JAK2: variants seen among roughly 807,000 people sequenced by gnomAD.
JAK2 encodes Janus kinase 2, also known as tyrosine-protein kinase JAK2.
JAK2 carries 86 observed loss-of-function variants against 139.3 expected under a neutral mutation model. The ratio of observed to expected loss-of-function variants is 0.62; its 90% CI spans 0.52 to 0.74. JAK2 has a LOEUF of 0.74. Among genes scored for constraint, JAK2 ranks in the 30% least tolerant of loss-of-function variants. The probability of loss-of-function intolerance (pLI) is 0.00; values close to 1 mark genes in which losing one functional copy is unlikely to be tolerated. For missense variants in JAK2, 1,421 were observed against 1,360.3 expected, an observed-to-expected ratio of 1.04 and a Z score of -0.70; for synonymous variants, 490 against 437.7, an observed-to-expected ratio of 1.12 and a Z score of -1.49.
At chr9:4,996,624 T>C (rs1180531534) in intron 2 of JAK2, among the ~76,000 whole-genome samples, 1 of 152,066 alleles carries the variant, frequency 6.6e-6, no homozygotes, top group East Asian at 1.9e-4. Flanking sequence ...GCATCAGATC[T>C]TCAGTTGTAA....
chr9:5,048,974 C>G (rs754280541), intron 5 of JAK2, among the ~76,000 whole-genome samples: 15 of 152,142 alleles, frequency 9.9e-5, no homozygotes, highest in Middle Eastern at 3.4e-3. Context: ...TTTCTTTCTC[C>G]CATTACATGT....
intron 4 of JAK2, among the ~76,000 whole-genome samples, chr9:5,033,808 G>A (rs181024202): frequency 7.9e-5 from 12 of 152,252 alleles, no homozygotes; most frequent in South Asian, 2.1e-4. Flanking sequence ...AAAGACCATC[G>A]AGGCTAGGAA....
chr9:5,009,200 T>A (rs948411474), intron 2 of JAK2, among the ~76,000 whole-genome samples: 1 of 152,152 alleles, frequency 6.6e-6, no homozygotes, highest in African/African-American at 2.4e-5. Context: ...GGCTCAGACA[T>A]CAGCAGGTGT....
chr9:5,123,225 T>C (rs1366765674), intron 23 of JAK2, 104 bp downstream of exon 23: 4 of 674,598 alleles, frequency 5.9e-6, no homozygotes, highest in African/African-American at 1.8e-5. Context: ...CATTGCATAG[T>C]GGTGAAGTCA....
At chr9:5,105,249 T>A (rs1313319128) in intron 22 of JAK2, among the ~76,000 whole-genome samples, 3 of 152,150 alleles carry the variant, frequency 2.0e-5, no homozygotes, top group African/African-American at 7.2e-5. Flanking sequence ...ATCACAAGCA[T>A]TCCTATACAC....
intron 22 of JAK2, among the ~76,000 whole-genome samples, chr9:5,115,983 C>G (rs934503116): frequency 1.3e-5 from 2 of 152,004 alleles, no homozygotes; most frequent in Non-Finnish European, 2.9e-5. Context: ...GTGCAGCAAA[C>G]CACCATGACA....
At chr9:5,105,972 C>T (rs991971587) in intron 22 of JAK2, among the ~76,000 whole-genome samples, 1 of 152,100 alleles carries the variant, frequency 6.6e-6, no homozygotes, top group Non-Finnish European at 1.5e-5. Context: ...AGAAGAAAGC[C>T]TAGGCAATAC....
chr9:5,051,086 C>T (rs963762265), intron 6 of JAK2, among the ~76,000 whole-genome samples: 3 of 152,072 alleles, frequency 2.0e-5, no homozygotes, highest in Admixed American at 1.3e-4. Flanking sequence ...ATCATGTTGA[C>T]GTTCAAAAAG....
intron 3 of JAK2, among the ~76,000 whole-genome samples, chr9:5,028,573 C>T (rs1464104927): frequency 6.6e-6 from 1 of 152,220 alleles, no homozygotes; most frequent in Admixed American, 6.5e-5. Context: ...AGCTATGAAA[C>T]TACTCCTAGA....
chr9:5,026,872 T>C (rs957190153), intron 3 of JAK2, among the ~76,000 whole-genome samples: 3 of 152,230 alleles, frequency 2.0e-5, no homozygotes, highest in African/African-American at 4.8e-5. Flanking sequence ...AAATTACATA[T>C]GCACTCACAT....
At chr9:5,111,231 T>G in intron 22 of JAK2, 1 of 567,502 alleles carries the variant, frequency 1.8e-6, no homozygotes, top group Non-Finnish European at 3.3e-6. Context: ...AGCGCGGGCC[T>G]ATTCCTCCTT....
At chr9:5,015,205 T>C (rs1821962519) in intron 2 of JAK2, among the ~76,000 whole-genome samples, 1 of 152,200 alleles carries the variant, frequency 6.6e-6, no homozygotes, top group South Asian at 2.1e-4. Context: ...TTGCAGTTTT[T>C]GCCATTGGAA....
chr9:5,009,236 C>A (rs145716979), intron 2 of JAK2, among the ~76,000 whole-genome samples: 27 of 152,104 alleles, frequency 1.8e-4, no homozygotes, highest in African/African-American at 6.3e-4. Flanking sequence ...AAGGAGAGAA[C>A]GATCCATTTA....
intron 5 of JAK2, among the ~76,000 whole-genome samples, chr9:5,047,475 G>C (rs1817091077): frequency 6.6e-6 from 1 of 152,138 alleles, no homozygotes; most frequent in Non-Finnish European, 1.5e-5. Flanking sequence ...GCTGACATGT[G>C]AACAACTTTT....
Position 5,080,662 on chromosome 9 carries a change from C to A in JAK2, c.2413C>A (p.Leu805Ile), listed in dbSNP as rs1819624176. The change falls in exon 18 of 25, where the codon CTT becomes ATT. Residue 805 changes from leucine to isoleucine, a missense_variant. Coordinates refer to ENST00000381652, the MANE Select transcript of JAK2 (RefSeq NM_004972.4). ...TTCTTTCAGAGCCATCATACGAGAT[C>A]TTAACAGTTTGTTTACTCCAGGTAT... ...RPSFRAIIRD[L>I]NSLFTPDYEL... The A allele has an allele frequency of 9.4e-6, 15 of 1,589,468 alleles. No individual in the cohort carries two copies. The highest frequency in any genetic ancestry group is 1.3e-5 in the Non-Finnish European group (15 of 1,172,270).
intron 19 of JAK2, chr9:5,085,372 T>G: frequency 1.1e-6 from 1 of 902,428 alleles, no homozygotes; most frequent in Non-Finnish European, 1.9e-6. Flanking sequence ...GGTGATCTCA[T>G]GCACCACTGG....
At chr9:5,085,132 C>G (rs184969769) in intron 19 of JAK2, 15 of 647,182 alleles carry the variant, frequency 2.3e-5, no homozygotes, top group Non-Finnish European at 4.5e-5. Flanking sequence ...TACACCATCA[C>G]TCTGTAATAC....
Position 5,128,504 on chromosome 9 carries a change from A to C in JAK2, c.*1713A>C, listed in dbSNP as rs140982990. On this transcript the variant is annotated 3_prime_UTR_variant, in exon 25 of 25. Coordinates refer to ENST00000381652, the MANE Select transcript of JAK2 (RefSeq NM_004972.4). ...CCTATCATACAATATGCTTGATTTC[A>C]GATTTTCATACTAAAACTTAACTAC... Among the ~76,000 whole-genome samples the C allele has an allele frequency of 0.011, 1,690 of 151,996 alleles. 31 individuals carry two copies. Among genetic ancestry groups the C allele is most frequent in the African/African-American group, 0.038 (1,567 of 41,538 alleles).
At chr9:5,049,703 G>A (rs1817279416) in intron 5 of JAK2, among the ~76,000 whole-genome samples, 1 of 152,122 alleles carries the variant, frequency 6.6e-6, no homozygotes, top group Non-Finnish European at 1.5e-5. Flanking sequence ...TACTTATGGG[G>A]ATATATTCTG....
Sources: allele counts gnomAD v4.1 joint callset (sites outside exome capture counted in the v4.1 genomes callset), GRCh38; gene constraint gnomAD v4.1.1; transcripts MANE v1.5; gene names NCBI Gene and HGNC (gene_info 2026-07-23, HGNC 2026-07-21).